CTNNA3: variants seen among roughly 807,000 people sequenced by gnomAD.
CTNNA3 encodes catenin alpha-3.
CTNNA3 carries 76 observed loss-of-function variants against 95.7 expected under a neutral mutation model. The observed-to-expected ratio is 0.79, with a 90% CI of 0.66 to 0.96. CTNNA3 has a LOEUF of 0.96. Ranked by LOEUF, CTNNA3 falls within the 40% of genes least tolerant of loss-of-function variation. The probability of loss-of-function intolerance (pLI) is 0.00; values close to 1 mark genes in which losing one functional copy is unlikely to be tolerated. For synonymous variants in CTNNA3, 431 were observed against 374.4 expected (o/e 1.15, Z -1.74); for missense variants, 1,191 against 1,089.8 (o/e 1.09, Z -1.31).
intron 4 of CTNNA3, among the ~76,000 whole-genome samples, chr10:67,527,116 G>T (rs975248542): frequency 8.5e-5 from 13 of 152,056 alleles, no homozygotes; most frequent in African/African-American, 3.1e-4. Context: ...AATTAGTCAG[G>T]TGTGGTGGCA....
chr10:66,176,320 C>T (rs1391819367), intron 13 of CTNNA3, among the ~76,000 whole-genome samples: 6 of 152,030 alleles, frequency 3.9e-5, no homozygotes, highest in East Asian at 1.9e-4. Context: ...CATTTAGACA[C>T]GCAAATGGAG....
At chr10:67,632,560 G>A (rs1839179668) in intron 2 of CTNNA3, among the ~76,000 whole-genome samples, 1 of 152,124 alleles carries the variant, frequency 6.6e-6, no homozygotes, top group African/African-American at 2.4e-5. Flanking sequence ...TGGGGCGATG[G>A]TCCACCTGGG....
At chr10:65,949,746 T>C (rs1252233394) in intron 17 of CTNNA3, among the ~76,000 whole-genome samples, 3 of 152,186 alleles carry the variant, frequency 2.0e-5, no homozygotes, top group South Asian at 2.1e-4. Flanking sequence ...TATTAGCGAT[T>C]GGTTGTCAGA....
At chr10:66,913,697 AC>A (rs1015545424) in intron 7 of CTNNA3, among the ~76,000 whole-genome samples, 2 of 152,180 alleles carry the variant, frequency 1.3e-5, no homozygotes, top group Non-Finnish European at 2.9e-5. Flanking sequence ...CATGAGAAGC[AC>A]CAGAAGTAGG....
chr10:66,545,604 A>G (rs987990280), intron 10 of CTNNA3, among the ~76,000 whole-genome samples: 3 of 152,180 alleles, frequency 2.0e-5, no homozygotes, highest in East Asian at 1.9e-4. Context: ...TCAGAAGACA[A>G]TGCTAAACAT....
chr10:66,799,559 T>C (rs1412189572), intron 7 of CTNNA3, among the ~76,000 whole-genome samples: 1 of 151,474 alleles, frequency 6.6e-6, no homozygotes. Flanking sequence ...ATATTTAAAC[T>C]GAAGCATTGT....
chr10:67,241,097 A>G (rs889542621), intron 5 of CTNNA3, among the ~76,000 whole-genome samples: 1 of 152,178 alleles, frequency 6.6e-6, no homozygotes, highest in Non-Finnish European at 1.5e-5. Context: ...CATATGTTTC[A>G]TCATTTAATC....
intron 13 of CTNNA3, among the ~76,000 whole-genome samples, chr10:66,132,465 A>T (rs1474489518): frequency 2.0e-5 from 3 of 152,170 alleles, no homozygotes; most frequent in African/African-American, 7.2e-5. Flanking sequence ...AGTGTAAATT[A>T]TTAGTTCAAC....
intron 9 of CTNNA3, among the ~76,000 whole-genome samples, chr10:66,758,909 T>C (rs1022213854): frequency 2.0e-5 from 3 of 152,104 alleles, no homozygotes; most frequent in Non-Finnish European, 2.9e-5. Flanking sequence ...CACTCCAGCC[T>C]GGGTGACAGA....
intron 7 of CTNNA3, among the ~76,000 whole-genome samples, chr10:67,091,152 CA>C (rs1857606289): frequency 6.6e-6 from 1 of 151,984 alleles, no homozygotes; most frequent in Non-Finnish European, 1.5e-5. Context: ...AGCCAATCTC[CA>C]AACACACATC....
chr10:66,013,707 T>C (rs187877497), intron 15 of CTNNA3, among the ~76,000 whole-genome samples: 44 of 152,326 alleles, frequency 2.9e-4, no homozygotes, highest in African/African-American at 1.0e-3. Flanking sequence ...TAAAGTTTAA[T>C]TTAGGCACCA....
chr10:66,445,241 C>T lies in CTNNA3; in HGVS notation c.1532-65889G>A, dbSNP rs866136873. ...AATAATGGGAGACATTAACACCCCA[C>T]TGTCAACATTAGACAGATTAACGAG... On this transcript the variant is annotated intron_variant, in intron 11 of 17. Coordinates refer to ENST00000433211, the MANE Select transcript of CTNNA3 (RefSeq NM_013266.4). Among the ~76,000 whole-genome samples, 154 of 152,146 alleles carry T rather than the reference C, an allele frequency of 1.0e-3. 1 individual carries two copies. Among genetic ancestry groups the T allele is most frequent in the African/African-American group, 3.4e-3 (139 of 41,476 alleles).
At position 66,339,564 on chromosome 10, in the gene CTNNA3, C is replaced by T. The variant is rs149956931; in HGVS notation, c.1732+39588G>A. On this transcript the variant is annotated intron_variant, in intron 12 of 17. Transcript: ENST00000433211. ...GACAGTAAAGGAAAGATTTTAAAAG[C>T]TCAGCCAGGGTTAATTCTTATGTCC... Among the ~76,000 whole-genome samples, 5 of 151,770 alleles carry T rather than the reference C, an allele frequency of 3.3e-5. No homozygotes were observed. In the East Asian group the frequency reaches 9.7e-4, roughly 29 times the overall value.
chr10:66,766,363 G>T lies in CTNNA3; in HGVS notation c.1182C>A (p.Val394=). The change falls in exon 9 of 18, where the codon GTC becomes GTA. Residue 394 remains valine (V), a synonymous_variant. Coordinates refer to ENST00000433211, the MANE Select transcript of CTNNA3 (RefSeq NM_013266.4). ...HVSDSFLDTT[V]PLLVLIEAAK... ...CAGCTTCAATGAGAACCAAAAGAGGGACTGTCGTATCCAGGAAAGAGTCTG... is the reference window on the plus strand; with the variant it reads ...CAGCTTCAATGAGAACCAAAAGAGGTACTGTCGTATCCAGGAAAGAGTCTG... 6.2e-7 allele frequency: 1 copy of T among 1,613,586 alleles called. No homozygotes were observed. Among genetic ancestry groups the T allele is most frequent in the Admixed American group, 1.7e-5 (1 of 59,994 alleles).
intron 5 of CTNNA3, among the ~76,000 whole-genome samples, chr10:67,499,232 C>T (rs996904581): frequency 1.7e-4 from 26 of 152,106 alleles, no homozygotes; most frequent in Non-Finnish European, 2.9e-4. Flanking sequence ...TGATGAATTA[C>T]GTTTATTGAT....
intron 13 of CTNNA3, among the ~76,000 whole-genome samples, chr10:66,234,458 T>C (rs937848850): frequency 6.6e-6 from 1 of 152,162 alleles, no homozygotes; most frequent in African/African-American, 2.4e-5. Context: ...GATATGTGTG[T>C]GAAGGATGAT....
intron 9 of CTNNA3, among the ~76,000 whole-genome samples, chr10:66,654,549 T>C (rs1846013310): frequency 1.3e-5 from 2 of 152,028 alleles, no homozygotes; most frequent in Admixed American, 6.6e-5. Context: ...ATAGAGGTTT[T>C]TCAGAAAATT....
rs530447839 is a variant in CTNNA3, at chr10:67,555,748, C to A, written c.293-16079G>T. Among the ~76,000 whole-genome samples the A allele has an allele frequency of 2.8e-3, 429 of 152,214 alleles. 3 individuals are homozygous for A. Among genetic ancestry groups the A allele is most frequent in the African/African-American group, 9.9e-3 (410 of 41,536 alleles). ...TTTCCTAATTGAATACCCTTTATTT[C>A]TTTCTCCTGCCTGATTGCCCTGGCC... On this transcript the variant is annotated intron_variant, in intron 3 of 17. Coordinates refer to ENST00000433211, the MANE Select transcript of CTNNA3 (RefSeq NM_013266.4).
At chr10:65,948,280 CAAAA>C (rs56966630) in intron 17 of CTNNA3, among the ~76,000 whole-genome samples, 5 of 97,710 alleles carry the variant, frequency 5.1e-5, no homozygotes, top group African/African-American at 4.3e-5. Flanking sequence ...GACTCCATCT[CAAAA>C]AAAAAAAAAA....
Sources: allele counts gnomAD v4.1 joint callset (sites outside exome capture counted in the v4.1 genomes callset), GRCh38; gene constraint gnomAD v4.1.1; transcripts MANE v1.5; gene names NCBI Gene and HGNC (gene_info 2026-07-23, HGNC 2026-07-21).